GRM7: variants seen among roughly 807,000 people sequenced by gnomAD.
GRM7 encodes the protein glutamate metabotropic receptor 7.
In GRM7, 35 loss-of-function variants were observed where a neutral mutation model predicts 84.5. The ratio of observed to expected loss-of-function variants is 0.41; its 90% confidence interval spans 0.32 to 0.55. The LOEUF (loss-of-function observed/expected upper bound fraction) is 0.55, where lower values mean the gene tolerates loss of function less well. Among genes scored for constraint, GRM7 ranks in the 20% least tolerant of loss-of-function variants. The probability of loss-of-function intolerance (pLI) is 0.19; values close to 1 mark genes in which losing one functional copy is unlikely to be tolerated. For synonymous variants in GRM7, 487 were observed against 455.1 expected (o/e 1.07, Z -0.89); for missense variants, 1,003 against 1,194.6 (o/e 0.84, Z 2.36).
intron 1 of GRM7, among the ~76,000 whole-genome samples, chr3:6,929,939 T>A (rs899524016): frequency 1.3e-5 from 2 of 152,158 alleles, no homozygotes; most frequent in African/African-American, 4.8e-5. Context: ...TCATACAAAT[T>A]TTTACAAGGC....
intron 2 of GRM7, among the ~76,000 whole-genome samples, chr3:7,214,421 AC>A (rs1559506204): frequency 6.6e-6 from 1 of 152,192 alleles, no homozygotes; most frequent in East Asian, 1.9e-4. Flanking sequence ...CTAAGGCTTG[AC>A]CCCTTAGAGT....
At chr3:7,394,310 C>T (rs571409707) in intron 4 of GRM7, among the ~76,000 whole-genome samples, 3 of 152,284 alleles carry the variant, frequency 2.0e-5, no homozygotes, top group South Asian at 2.1e-4. Context: ...TTCTTCTGCT[C>T]GTTCACAAAG....
At chr3:7,196,210 C>T (rs559014312) in intron 2 of GRM7, among the ~76,000 whole-genome samples, 6 of 152,080 alleles carry the variant, frequency 3.9e-5, no homozygotes, top group African/African-American at 1.4e-4. Flanking sequence ...CCCTTTTGCT[C>T]CAGAGAAGAG....
At chr3:6,930,426 T>A (rs1697462029) in intron 1 of GRM7, among the ~76,000 whole-genome samples, 1 of 152,184 alleles carries the variant, frequency 6.6e-6, no homozygotes, top group Non-Finnish European at 1.5e-5. Flanking sequence ...CACATCAAAT[T>A]ATATCCAAAT....
chr3:6,969,340 A>G (rs374230823), intron 1 of GRM7, among the ~76,000 whole-genome samples: 9 of 152,186 alleles, frequency 5.9e-5, no homozygotes, highest in African/African-American at 2.2e-4. Flanking sequence ...ATCTGTTTCC[A>G]TCTTCAAAAT....
chr3:6,874,274 C>T (rs750489802), intron 1 of GRM7, among the ~76,000 whole-genome samples: 2 of 152,142 alleles, frequency 1.3e-5, no homozygotes, highest in East Asian at 1.9e-4. Flanking sequence ...TGAACAACTC[C>T]GAGATCCTTC....
chr3:7,083,273 A>C (rs1698330084), intron 1 of GRM7, among the ~76,000 whole-genome samples: 1 of 152,184 alleles, frequency 6.6e-6, no homozygotes, highest in African/African-American at 2.4e-5. Context: ...CTCCACCAGC[A>C]AAAAGATTAC....
intron 4 of GRM7, among the ~76,000 whole-genome samples, chr3:7,412,945 G>A (rs1326317228): frequency 6.6e-6 from 1 of 151,338 alleles, no homozygotes; most frequent in Non-Finnish European, 1.5e-5. Context: ...TTTCTTCTTG[G>A]CTCTAGTAGA....
intron 2 of GRM7, among the ~76,000 whole-genome samples, chr3:7,263,358 A>G (rs1438701889): frequency 6.6e-6 from 1 of 152,218 alleles, no homozygotes; most frequent in Admixed American, 6.5e-5. Flanking sequence ...GGTGCCAGAC[A>G]AAGCACTTCA....
At chr3:7,673,211 C>T (rs1326496514) in intron 8 of GRM7, among the ~76,000 whole-genome samples, 2 of 152,086 alleles carry the variant, frequency 1.3e-5, no homozygotes, top group African/African-American at 4.8e-5. Context: ...GAAACAGAAG[C>T]ACACAAATAG....
intron 7 of GRM7, among the ~76,000 whole-genome samples, chr3:7,567,010 G>C (rs1197789046): frequency 1.3e-5 from 2 of 152,088 alleles, no homozygotes; most frequent in African/African-American, 2.4e-5. Context: ...AGTAAATACA[G>C]GTCATTTAGG....
intron 2 of GRM7, among the ~76,000 whole-genome samples, chr3:7,189,403 C>G (rs976191679): frequency 6.6e-6 from 1 of 152,112 alleles, no homozygotes; most frequent in Non-Finnish European, 1.5e-5. Context: ...TTTTTCTCAT[C>G]TATCAAATGA....
chr3:7,435,857 T>TC (rs1388668857), intron 5 of GRM7, among the ~76,000 whole-genome samples: 1 of 141,394 alleles, frequency 7.1e-6, no homozygotes, highest in Non-Finnish European at 1.5e-5. Context: ...CCATCTTTTT[T>TC]TTTTTTTTTT....
At chr3:7,108,278 C>T (rs1288990392) in intron 1 of GRM7, among the ~76,000 whole-genome samples, 1 of 151,966 alleles carries the variant, frequency 6.6e-6, no homozygotes, top group Non-Finnish European at 1.5e-5. Context: ...TGTCTGATTG[C>T]AGGAAGAAGT....
chr3:7,549,840 C>T (rs1328808347), intron 7 of GRM7, among the ~76,000 whole-genome samples: 1 of 152,118 alleles, frequency 6.6e-6, no homozygotes, highest in East Asian at 1.9e-4. Context: ...ATCTGTAATG[C>T]TTGTGTTTTA....
In GRM7 at chr3:7,513,855, A is replaced by C. The variant is rs149941523; in HGVS notation, c.1515+52133A>C. Among the ~76,000 whole-genome samples, 879 of 152,368 alleles carry C rather than the reference A, an allele frequency of 5.8e-3. 9 individuals are homozygous for C. The highest frequency in any genetic ancestry group is 0.02 in the African/African-American group (820 of 41,592). ...TTCTGTTTTGTTTCTTTGAACTTCC[A>C]GTGCAAAGGAAGTATTTCTTTTATT... On this transcript the variant is annotated intron_variant, in intron 7 of 9. Transcript: ENST00000357716.
chr3:7,258,681 A>G (rs188959165), intron 2 of GRM7, among the ~76,000 whole-genome samples: 2 of 152,374 alleles, frequency 1.3e-5, no homozygotes, highest in African/African-American at 4.8e-5. Context: ...GGTTTGGACC[A>G]TGGGCCAGAA....
chr3:7,015,143 A>G (rs1178110173), intron 1 of GRM7, among the ~76,000 whole-genome samples: 1 of 126,260 alleles, frequency 7.9e-6, no homozygotes, highest in Non-Finnish European at 1.6e-5. Flanking sequence ...CCACCCCCCC[A>G]TAAGCCAGCA....
At chr3:7,610,424 G>C (rs371778805) in intron 8 of GRM7, among the ~76,000 whole-genome samples, 1 of 152,086 alleles carries the variant, frequency 6.6e-6, no homozygotes, top group East Asian at 1.9e-4. Context: ...TTACTCTTTC[G>C]ATGAAACAAC....
Sources: gnomAD v4.1 joint callset for allele counts (sites outside exome capture counted in the v4.1 genomes callset) on GRCh38, gnomAD v4.1.1 for gene constraint, MANE v1.5 for transcripts, NCBI Gene and HGNC (gene_info 2026-07-23, HGNC 2026-07-21) for gene names.